The following EDN1 variants were observed in gnomAD, a reference collection of about 807,000 sequenced individuals.
EDN1 encodes the protein endothelin-1.
EDN1 carries 11 observed loss-of-function variants against 21.7 expected under a neutral mutation model. The observed-to-expected ratio is 0.51, with a 90% CI of 0.32 to 0.84. The LOEUF (loss-of-function observed/expected upper bound fraction) is 0.84, where lower values mean the gene tolerates loss of function less well. Ranked by LOEUF, EDN1 falls within the 40% of genes least tolerant of loss-of-function variation. EDN1 has a pLI of 0.03. For missense variants in EDN1, 244 were observed against 262.3 expected (o/e 0.93, Z 0.48); for synonymous variants, 85 against 90.6 (o/e 0.94, Z 0.35).
chr6:12,230,952 A>AGG, the EDN1 span, among the ~76,000 whole-genome samples: 3 of 152,164 alleles, frequency 2.0e-5, no homozygotes, highest in African/African-American at 4.8e-5. Context: ...ACAGAACCAA[A>AGG]ACAGTAGTTC....
At chr6:12,262,414 C>A in the EDN1 span, among the ~76,000 whole-genome samples, 1 of 152,136 alleles carries the variant, frequency 6.6e-6, no homozygotes, top group South Asian at 2.1e-4. Context: ...TCAAGGTCGA[C>A]CAGATGCAGG....
chr6:12,284,771 G>GAAAT, the EDN1 span, among the ~76,000 whole-genome samples: 2 of 151,464 alleles, frequency 1.3e-5, no homozygotes, highest in African/African-American at 4.9e-5. Context: ...AAGAAAGAAA[G>GAAAT]AAAGAAAGAA....
At chr6:12,263,745 T>C in the EDN1 span, among the ~76,000 whole-genome samples, 1 of 152,184 alleles carries the variant, frequency 6.6e-6, no homozygotes, top group South Asian at 2.1e-4. Context: ...ATTTCTCTCC[T>C]GTGTTTTCTT....
chr6:12,265,880 C>T, the EDN1 span, among the ~76,000 whole-genome samples: 1 of 152,136 alleles, frequency 6.6e-6, no homozygotes, highest in South Asian at 2.1e-4. Flanking sequence ...CAAAAGTATA[C>T]ATGAAAAAGT....
the EDN1 span, among the ~76,000 whole-genome samples, chr6:12,239,776 G>T: frequency 6.6e-6 from 1 of 152,074 alleles, no homozygotes; most frequent in African/African-American, 2.4e-5. Flanking sequence ...GGGCATGGTG[G>T]TGTGTGCCTG....
At chr6:12,285,920 A>C (rs1581878970), upstream of EDN1, among the ~76,000 whole-genome samples, 1 of 152,206 alleles carries the variant, frequency 6.6e-6, no homozygotes, top group Non-Finnish European at 1.5e-5. Context: ...AGCATGTATT[A>C]AACTATGATT....
At chr6:12,233,868 C>G in the EDN1 span, among the ~76,000 whole-genome samples, 1 of 152,158 alleles carries the variant, frequency 6.6e-6, no homozygotes, top group Non-Finnish European at 1.5e-5. Flanking sequence ...CTCATGGGAG[C>G]CTGAGTAATA....
the EDN1 span, among the ~76,000 whole-genome samples, chr6:12,236,140 T>C: frequency 6.6e-6 from 1 of 152,234 alleles, no homozygotes; most frequent in Non-Finnish European, 1.5e-5. Context: ...CCCTATTTGA[T>C]TCCATGGGAA....
chr6:12,292,607 G>A, intron 2 of EDN1, 98 bp downstream of exon 2: 1 of 1,427,810 alleles, frequency 7.0e-7, no homozygotes, highest in South Asian at 1.2e-5. Context: ...TCTGAAGGTA[G>A]TCCTTCTAAC....
the EDN1 span, among the ~76,000 whole-genome samples, chr6:12,268,023 T>C: frequency 6.6e-6 from 1 of 152,228 alleles, no homozygotes; most frequent in South Asian, 2.1e-4. Context: ...CTGAATATTT[T>C]AAGCTCACCG....
At chr6:12,245,324 G>A in the EDN1 span, among the ~76,000 whole-genome samples, 1 of 152,190 alleles carries the variant, frequency 6.6e-6, no homozygotes, top group African/African-American at 2.4e-5. Context: ...AACTGGCGGT[G>A]GAACTGGGTA....
the EDN1 span, among the ~76,000 whole-genome samples, chr6:12,280,803 G>C: frequency 6.6e-6 from 1 of 152,182 alleles, no homozygotes; most frequent in East Asian, 1.9e-4. Flanking sequence ...TAATGCAGGA[G>C]AATCACTTGA....
chr6:12,254,812 GAGAA>G, the EDN1 span, among the ~76,000 whole-genome samples: 2 of 152,092 alleles, frequency 1.3e-5, no homozygotes, highest in Non-Finnish European at 2.9e-5. Context: ...AGAAATTTAT[GAGAA>G]AGGACAACAG....
chr6:12,283,383 G>T, the EDN1 span, among the ~76,000 whole-genome samples: 21 of 152,178 alleles, frequency 1.4e-4, no homozygotes, highest in African/African-American at 4.6e-4. Flanking sequence ...AATGTTGAAA[G>T]CCAGAGAACT....
chr6:12,266,872 A>C, the EDN1 span, among the ~76,000 whole-genome samples: 1 of 152,148 alleles, frequency 6.6e-6, no homozygotes, highest in Non-Finnish European at 1.5e-5. Context: ...GCAAAGGGAG[A>C]GATGTATAGT....
At chr6:12,264,939 G>C in the EDN1 span, among the ~76,000 whole-genome samples, 1 of 152,060 alleles carries the variant, frequency 6.6e-6, no homozygotes, top group African/African-American at 2.4e-5. Flanking sequence ...CTTAATTGGG[G>C]ATTTCTTTTA....
At chr6:12,291,625 C>G (rs1020414278) in intron 1 of EDN1, among the ~76,000 whole-genome samples, 1 of 152,166 alleles carries the variant, frequency 6.6e-6, no homozygotes, top group African/African-American at 2.4e-5. Context: ...AAGGGGGAGG[C>G]AGTGGATCCC....
chr6:12,247,518 T>C, the EDN1 span, among the ~76,000 whole-genome samples: 2 of 141,844 alleles, frequency 1.4e-5, no homozygotes, highest in African/African-American at 2.8e-5. Context: ...GATGATTTCT[T>C]TTTTTTTTTC....
the EDN1 span, among the ~76,000 whole-genome samples, chr6:12,265,671 G>A: frequency 1.3e-5 from 2 of 152,286 alleles, no homozygotes; most frequent in East Asian, 1.9e-4. Context: ...GTAATTATTT[G>A]TTACGGCAGC....
Sources: gnomAD v4.1 joint callset for allele counts (sites outside exome capture counted in the v4.1 genomes callset) on GRCh38, gnomAD v4.1.1 for gene constraint, MANE v1.5 for transcripts, NCBI Gene and HGNC (gene_info 2026-07-23, HGNC 2026-07-21) for gene names.